CNTN5: variants seen among roughly 807,000 people sequenced by gnomAD.
CNTN5 encodes contactin 5.
In CNTN5, 77 loss-of-function variants were observed where a neutral mutation model predicts 129.1. That is an observed-to-expected ratio of 0.60 (90% CI 0.50 to 0.72). The LOEUF is 0.72. Ranked by LOEUF, CNTN5 falls within the 30% of genes least tolerant of loss-of-function variation. The pLI is 0.00. For missense variants in CNTN5, 1,478 were observed against 1,328.8 expected (o/e 1.11, Z -1.75); for synonymous variants, 509 against 465.6 (o/e 1.09, Z -1.20).
intron 1 of CNTN5, among the ~76,000 whole-genome samples, chr11:99,316,763 T>C (rs1865357790): frequency 6.6e-6 from 1 of 152,042 alleles, no homozygotes; most frequent in Non-Finnish European, 1.5e-5. Flanking sequence ...CCCTTTCATT[T>C]CATTGAAGTG....
At chr11:99,994,738 A>G (rs1386698245) in intron 8 of CNTN5, among the ~76,000 whole-genome samples, 2 of 152,214 alleles carry the variant, frequency 1.3e-5, no homozygotes, top group African/African-American at 4.8e-5. Context: ...ATTCATAGGT[A>G]GCTTCTAAAC....
intron 16 of CNTN5, among the ~76,000 whole-genome samples, chr11:100,244,200 C>A (rs1949797528): frequency 6.6e-6 from 1 of 152,136 alleles, no homozygotes; most frequent in African/African-American, 2.4e-5. Flanking sequence ...AAGCCATCAG[C>A]TTCTCCTCTC....
At chr11:99,754,479 G>T (rs1372811980) in intron 3 of CNTN5, among the ~76,000 whole-genome samples, 1 of 152,012 alleles carries the variant, frequency 6.6e-6, no homozygotes, top group Non-Finnish European at 1.5e-5. Context: ...TGCCTTAAGG[G>T]TTCAACTTGT....
chr11:99,063,507 C>CATAAATAA (rs67049549), intron 1 of CNTN5, among the ~76,000 whole-genome samples: 435 of 148,788 alleles, frequency 2.9e-3, no homozygotes, highest in Non-Finnish European at 3.4e-3. Flanking sequence ...ACTGAAAACT[C>CATAAATAA]ATAAATAAAT....
intron 2 of CNTN5, among the ~76,000 whole-genome samples, chr11:99,387,884 G>A (rs1214984448): frequency 6.6e-6 from 1 of 152,136 alleles, no homozygotes; most frequent in Non-Finnish European, 1.5e-5. Flanking sequence ...AGTTACAGAG[G>A]ATTTTACATC....
intron 3 of CNTN5, among the ~76,000 whole-genome samples, chr11:99,585,551 A>T (rs1439592722): frequency 6.6e-6 from 1 of 152,156 alleles, no homozygotes; most frequent in Non-Finnish European, 1.5e-5. Flanking sequence ...TTATTTTAAG[A>T]TCATTTAATA....
chr11:100,191,151 C>T lies in CNTN5; in HGVS notation c.1606C>T (p.Leu536=), dbSNP rs199775383. 29 of 1,608,530 alleles carry T rather than the reference C, an allele frequency of 1.8e-5. No individual in the cohort carries two copies. In the Middle Eastern group the frequency reaches 4.9e-4, roughly 27 times the overall value. The change falls in exon 14 of 25, where the codon CTA becomes TTA. Residue 536 remains leucine (L), a synonymous_variant. Coordinates refer to ENST00000524871, the MANE Select transcript of CNTN5 (RefSeq NM_014361.4). ...KRIAILPDGS[L]RILNASKSDE... is the part of the protein sequence containing the mutation. Reference sequence around the variant, plus strand: ...AATAGCTATTCTTCCAGACGGGAGTCTACGGATCCTAAATGCTTCCAAATC... The same window carrying T: ...AATAGCTATTCTTCCAGACGGGAGTTTACGGATCCTAAATGCTTCCAAATC...
rs117005048 is a variant in CNTN5 at position 99,967,848 on chromosome 11, G to A, written c.877+10839G>A. ...TACCTTCATTTTTCCACTCATTTGA[G>A]TTCCCAGCACAGTTGTTAATTACTT... On this transcript the variant is annotated intron_variant, in intron 8 of 24. Coordinates refer to ENST00000524871, the MANE Select transcript of CNTN5 (RefSeq NM_014361.4). Among the ~76,000 whole-genome samples, 21 of 152,082 alleles carry A rather than the reference G, an allele frequency of 1.4e-4. No individual in the cohort carries two copies. In the East Asian group the frequency reaches 4.1e-3, roughly 29 times the overall value.
intron 3 of CNTN5, among the ~76,000 whole-genome samples, chr11:99,801,567 A>G (rs1169497975): frequency 6.6e-6 from 1 of 152,176 alleles, no homozygotes; most frequent in Non-Finnish European, 1.5e-5. Flanking sequence ...TCAGGAATGC[A>G]AATAATTCAT....
intron 1 of CNTN5, among the ~76,000 whole-genome samples, chr11:99,215,926 C>T (rs12222702): frequency 0.14 from 21,259 of 151,942 alleles, 1,782 homozygotes; most frequent in East Asian, 0.33. Context: ...TATATTCATG[C>T]GGTGCATGTG....
chr11:99,495,262 G>A (rs1178449840), intron 2 of CNTN5, among the ~76,000 whole-genome samples: 1 of 152,122 alleles, frequency 6.6e-6, no homozygotes, highest in Non-Finnish European at 1.5e-5. Context: ...CAGCTACTCA[G>A]GAGGCTGAGG....
chr11:100,175,759 C>G (rs1947945616), intron 13 of CNTN5, among the ~76,000 whole-genome samples: 1 of 152,052 alleles, frequency 6.6e-6, no homozygotes, highest in African/African-American at 2.4e-5. Flanking sequence ...ATACTCAACT[C>G]ACACAGTGGT....
At chr11:99,831,574 A>G (rs979666980) in intron 4 of CNTN5, among the ~76,000 whole-genome samples, 4 of 152,080 alleles carry the variant, frequency 2.6e-5, no homozygotes, top group Non-Finnish European at 5.9e-5. Context: ...TCAGAAAGCT[A>G]TAGCGGATCC....
At chr11:99,636,251 T>C (rs1363328953) in intron 3 of CNTN5, among the ~76,000 whole-genome samples, 3 of 152,074 alleles carry the variant, frequency 2.0e-5, no homozygotes, top group East Asian at 3.9e-4. Context: ...ATGGGGGAGA[T>C]TGGGTGGCCT....
At chr11:99,041,102 C>A (rs1208216727) in intron 1 of CNTN5, among the ~76,000 whole-genome samples, 1 of 152,064 alleles carries the variant, frequency 6.6e-6, no homozygotes, top group Non-Finnish European at 1.5e-5. Context: ...CCTGGCCTGG[C>A]CTTTAATTTT....
intron 3 of CNTN5, among the ~76,000 whole-genome samples, chr11:99,588,966 G>C (rs1179525072): frequency 2.6e-5 from 4 of 152,112 alleles, no homozygotes; most frequent in Non-Finnish European, 1.5e-5. Context: ...GCATACTTAG[G>C]CTTGATATTT....
At chr11:99,902,853 A>C (rs1949395276) in intron 6 of CNTN5, among the ~76,000 whole-genome samples, 1 of 152,268 alleles carries the variant, frequency 6.6e-6, no homozygotes, top group African/African-American at 2.4e-5. Flanking sequence ...TAATTAAAAG[A>C]TAGGAAAGAA....
intron 3 of CNTN5, among the ~76,000 whole-genome samples, chr11:99,655,036 G>A (rs1434766742): frequency 6.6e-6 from 1 of 151,690 alleles, no homozygotes; most frequent in African/African-American, 2.4e-5. Flanking sequence ...GAAGAGTGCT[G>A]CGTGAAGTCA....
At chr11:99,055,756 C>A (rs908700768) in intron 1 of CNTN5, among the ~76,000 whole-genome samples, 1 of 151,918 alleles carries the variant, frequency 6.6e-6, no homozygotes, top group African/African-American at 2.4e-5. Flanking sequence ...ATGCATGCTG[C>A]CCCTAAGCTT....
Sources: allele counts gnomAD v4.1 joint callset (sites outside exome capture counted in the v4.1 genomes callset), GRCh38; gene constraint gnomAD v4.1.1; transcripts MANE v1.5; gene names NCBI Gene and HGNC (gene_info 2026-07-23, HGNC 2026-07-21).